The following MPHOSPH6 variants were observed in gnomAD, a reference collection of about 807,000 sequenced individuals.
MPHOSPH6 encodes M-phase phosphoprotein 6.
Under a neutral mutation model 21.8 loss-of-function variants are expected in MPHOSPH6, and 25 were observed. The ratio of observed to expected loss-of-function variants is 1.15; its 90% confidence interval spans 0.83 to 1.60. The LOEUF (loss-of-function observed/expected upper bound fraction) is 1.60, where lower values mean the gene tolerates loss of function less well. Among genes scored for constraint, MPHOSPH6 ranks in the 40% most tolerant of loss-of-function variants. The pLI, the probability that MPHOSPH6 is intolerant of heterozygous loss-of-function variation, is 0.00. For missense variants in MPHOSPH6, 269 were observed against 181.8 expected (o/e 1.48, Z -2.76); for synonymous variants, 84 against 56.5 (o/e 1.49, Z -2.18).
chr16:82,163,490 C>T (rs1906668318), intron 2 of MPHOSPH6, among the ~76,000 whole-genome samples: 1 of 152,148 alleles, frequency 6.6e-6, no homozygotes, highest in Admixed American at 6.5e-5. Context: ...GGCAAGTTAC[C>T]CTCCCTTAAG....
intron 2 of MPHOSPH6, among the ~76,000 whole-genome samples, chr16:82,163,070 C>G (rs748673953): frequency 1.4e-4 from 21 of 152,174 alleles, no homozygotes; most frequent in Non-Finnish European, 2.6e-4. Flanking sequence ...AAAGTACCTT[C>G]TCCCGATCCC....
At chr16:82,150,013 C>CA (rs1906212740) in intron 3 of MPHOSPH6, among the ~76,000 whole-genome samples, 1 of 147,098 alleles carries the variant, frequency 6.8e-6, no homozygotes, top group Non-Finnish European at 1.5e-5. Context: ...ATCCTCTGAC[C>CA]TTTTTTTTTT....
At chr16:82,156,006 G>A (rs1265336883) in intron 2 of MPHOSPH6, among the ~76,000 whole-genome samples, 1 of 151,844 alleles carries the variant, frequency 6.6e-6, no homozygotes, top group East Asian at 1.9e-4. Context: ...GCAAACCATG[G>A]ATAAAAATGT....
intron 2 of MPHOSPH6, among the ~76,000 whole-genome samples, chr16:82,151,883 A>G (rs1375005489): frequency 6.6e-6 from 1 of 152,264 alleles, no homozygotes; most frequent in Non-Finnish European, 1.5e-5. Context: ...CAGAAAGGAA[A>G]TAATATGTAT....
intron 1 of MPHOSPH6, among the ~76,000 whole-genome samples, chr16:82,169,551 A>G (rs1178872672): frequency 6.6e-6 from 1 of 152,214 alleles, no homozygotes; most frequent in Non-Finnish European, 1.5e-5. Flanking sequence ...CGTGTGATCC[A>G]GTTTTAAAAA....
intron 2 of MPHOSPH6, among the ~76,000 whole-genome samples, chr16:82,163,171 C>T (rs568126261): frequency 4.6e-5 from 7 of 152,342 alleles, no homozygotes; most frequent in African/African-American, 1.4e-4. Context: ...GGGAATATAA[C>T]ATTCCAAATC....
Position 82,152,977 on chromosome 16 carries a change from C to T in MPHOSPH6, c.165-1463G>A, listed in dbSNP as rs112956990. The stretch of plus-strand genomic sequence containing the variant: ...CGGAAACAGCCACCAGTAAAAGAGC[C>T]TCAGCTGGGCACAGTGGCGGATGCC... On this transcript the variant is annotated intron_variant, in intron 2 of 4. Transcript: ENST00000258169. Among the ~76,000 whole-genome samples, 135 of 152,238 alleles carry T rather than the reference C, an allele frequency of 8.9e-4. 1 individual carries two copies. Among genetic ancestry groups the T allele is most frequent in the Non-Finnish European group, 1.7e-3 (118 of 68,014 alleles).
chr16:82,149,520 A>C (rs1906195281), intron 3 of MPHOSPH6, 117 bp from the exon 4 acceptor site: 2 of 831,610 alleles, frequency 2.4e-6, no homozygotes, highest in Admixed American at 1.9e-5. Flanking sequence ...ACTAGTCAAA[A>C]TTGATAAGGG....
At chr16:82,149,243 G>C (rs773302296) in intron 4 of MPHOSPH6, 66 bp downstream of exon 4, 120 of 1,490,196 alleles carry the variant, frequency 8.1e-5, no homozygotes, top group Non-Finnish European at 1.6e-5. Context: ...GGGGTAAGAG[G>C]AGCATTCCTG....
intron 2 of MPHOSPH6, 38 bp downstream of exon 2, chr16:82,164,044 G>T: frequency 1.5e-6 from 2 of 1,368,242 alleles, no homozygotes; most frequent in Non-Finnish European, 2.1e-6. Context: ...CCTTCTGAAT[G>T]CCACAAGCAT....
At chr16:82,149,816 C>T (rs1906205657) in intron 3 of MPHOSPH6, among the ~76,000 whole-genome samples, 1 of 152,056 alleles carries the variant, frequency 6.6e-6, no homozygotes, top group South Asian at 2.1e-4. Context: ...TTAAATGCAT[C>T]TCTTGGTGGT....
chr16:82,169,446 T>G (rs536892362), intron 1 of MPHOSPH6, among the ~76,000 whole-genome samples: 46 of 152,332 alleles, frequency 3.0e-4, no homozygotes, highest in African/African-American at 1.1e-3. Context: ...GAGGGAGTTC[T>G]GCCAGCAGAC....
Position 82,156,201 on chromosome 16 carries a change from G to A in MPHOSPH6, c.165-4687C>T, listed in dbSNP as rs2142409132. ...AAAATATTCACTATATATATATGTG[G>A]CAAAGAACTTGTATTCAGAACATAA... On this transcript the variant is annotated intron_variant, in intron 2 of 4. Coordinates refer to ENST00000258169, the MANE Select transcript of MPHOSPH6 (RefSeq NM_005792.2). Among the ~76,000 whole-genome samples the A allele has an allele frequency of 2.0e-5, 3 of 152,092 alleles. No individual in the cohort carries two copies. In the South Asian group the frequency reaches 6.2e-4, roughly 32 times the overall value.
intron 2 of MPHOSPH6, among the ~76,000 whole-genome samples, chr16:82,158,671 G>A (rs1906511370): frequency 6.6e-6 from 1 of 151,958 alleles, no homozygotes; most frequent in African/African-American, 2.4e-5. Context: ...TAAATAAAGT[G>A]AACCTGACAC....
At chr16:82,158,175 G>A (rs537166033) in intron 2 of MPHOSPH6, among the ~76,000 whole-genome samples, 2 of 152,050 alleles carry the variant, frequency 1.3e-5, no homozygotes, top group East Asian at 1.9e-4. Context: ...TTCGGTATAC[G>A]AAATTGAAAC....
At chr16:82,153,745 G>C (rs1906342269) in intron 2 of MPHOSPH6, among the ~76,000 whole-genome samples, 1 of 152,220 alleles carries the variant, frequency 6.6e-6, no homozygotes, top group South Asian at 2.1e-4. Context: ...ATGATTTCTG[G>C]GAGAACACCT....
chr16:82,148,746 T>C lies in MPHOSPH6; in HGVS notation c.468A>G (p.Leu156=). Residue 156 remains leucine, a synonymous_variant, in exon 5 of 5, where the codon TTA becomes TTG. Coordinates refer to ENST00000258169, the MANE Select transcript of MPHOSPH6 (RefSeq NM_005792.2). ...GGCATCCATCTTAATCCTGGGGCTT[T>C]AAGAACATCTTCTTTGCTTTAATTG... ...ITPIKAKKMF[L]KPQD 1.2e-6 allele frequency: 2 copies of C among 1,614,188 alleles called. No individual in the cohort carries two copies. Among genetic ancestry groups the C allele is most frequent in the Non-Finnish European group, 1.7e-6 (2 of 1,180,042 alleles).
In MPHOSPH6 at chr16:82,170,137, T is replaced by C. The variant is rs1134847; in HGVS notation, c.39A>G (p.Leu13=). 1,135,406 of 1,546,924 alleles carry C rather than the reference T, an allele frequency of 0.73. 425,681 individuals carry two copies. The highest frequency in any genetic ancestry group is 0.81 in the Admixed American group (46,434 of 57,040). ...AERKTRLSKN[L]LRMKFMQRGL... Reference sequence around the variant, plus strand: ...AGCGTCCCCGCACCTTCATGCGCAGTAGATTCTTGGACAACCTTGTCTTTC... The same window carrying C: ...AGCGTCCCCGCACCTTCATGCGCAGCAGATTCTTGGACAACCTTGTCTTTC... The change falls in exon 1 of 5, where the codon CTA becomes CTG. Residue 13 remains leucine, a synonymous_variant. Coordinates refer to ENST00000258169, the MANE Select transcript of MPHOSPH6 (RefSeq NM_005792.2).
chr16:82,169,127 T>A (rs989871119), intron 1 of MPHOSPH6, among the ~76,000 whole-genome samples: 1 of 152,234 alleles, frequency 6.6e-6, no homozygotes, highest in African/African-American at 2.4e-5. Flanking sequence ...ATATTTGCCA[T>A]TTTCTTGATA....
Sources: gnomAD v4.1 joint callset for allele counts (sites outside exome capture counted in the v4.1 genomes callset) on GRCh38, gnomAD v4.1.1 for gene constraint, MANE v1.5 for transcripts, NCBI Gene and HGNC (gene_info 2026-07-23, HGNC 2026-07-21) for gene names.